Variants in USP7 observed in about 807,000 individuals in gnomAD.
USP7 encodes ubiquitin C-terminal hydrolase 7.
In USP7, 9 loss-of-function variants were observed where a neutral mutation model predicts 162.9. The observed-to-expected ratio is 0.06, with a 90% CI of 0.03 to 0.10. USP7 has a LOEUF of 0.10. Ranked by LOEUF, USP7 falls within the 10% of genes least tolerant of loss-of-function variation. The pLI is 1.00. For missense variants in USP7, 715 were observed against 1,373.7 expected (o/e 0.52, Z 7.58); for synonymous variants, 562 against 475.9 (o/e 1.18, Z -2.35).
rs1327203860 is a variant in USP7, at chr16:8,892,611, A to G, written c.*1387T>C. Reference sequence around the variant, plus strand: ...AAATGTGACTAGTTAGAGGCTAAAAAAAAAAAAAAAAAAAAAAAGAAACAA... The same window carrying G: ...AAATGTGACTAGTTAGAGGCTAAAAGAAAAAAAAAAAAAAAAAAGAAACAA... On this transcript the variant is annotated 3_prime_UTR_variant, in exon 31 of 31. Transcript: ENST00000344836. The G allele has an allele frequency of 1.5e-3, 39 of 26,528 alleles. No individual in the cohort carries two copies. Among genetic ancestry groups the G allele is most frequent in the African/African-American group, 5.2e-3 (37 of 7,158 alleles). The allele number at this position is 26,528 out of a possible 1,614,324, so 1.6% of individuals were successfully genotyped here.
intron 26 of USP7, 94 bp from the exon 27 acceptor site, chr16:8,895,835 A>T: frequency 5.2e-6 from 4 of 770,654 alleles, no homozygotes; most frequent in Non-Finnish European, 7.6e-6. Context: ...AGTTACCACG[A>T]TATGTTTTTT....
At chr16:8,900,464 G>T in intron 21 of USP7, 66 bp downstream of exon 21, 2 of 1,206,618 alleles carry the variant, frequency 1.7e-6, no homozygotes, top group Non-Finnish European at 2.3e-6. Context: ...AATGTTTCTT[G>T]GTTCTACAAC....
At chr16:8,909,153 T>C (rs898721063) in intron 11 of USP7, among the ~76,000 whole-genome samples, 14 of 152,240 alleles carry the variant, frequency 9.2e-5, no homozygotes, top group Admixed American at 6.5e-5. Context: ...CCCTGCTCTA[T>C]CACTGCTCCA....
In USP7 at chr16:8,904,653, A is replaced by G. The variant is rs144036205; in HGVS notation, c.1574-88T>C. On this transcript the variant is annotated intron_variant, in intron 14 of 30. Coordinates refer to ENST00000344836, the MANE Select transcript of USP7 (RefSeq NM_003470.3). ...GATTCTAGGTCATCATTAATAAAAT[A>G]ATCTATTAGGCCGGCGTGGTGGCTT... 145 of 1,549,688 alleles carry G rather than the reference A, an allele frequency of 9.4e-5. No homozygotes were observed. The East Asian group carries it at 3.1e-3, about 33-fold the overall frequency.
At chr16:8,926,681 A>T (rs768445664) in intron 2 of USP7, among the ~76,000 whole-genome samples, 1 of 152,190 alleles carries the variant, frequency 6.6e-6, no homozygotes, top group Non-Finnish European at 1.5e-5. Flanking sequence ...TATGCTAGGT[A>T]TTAGCAAGGA....
intron 1 of USP7, among the ~76,000 whole-genome samples, chr16:8,939,942 A>G (rs985808942): frequency 1.3e-5 from 2 of 152,212 alleles, no homozygotes; most frequent in African/African-American, 2.4e-5. Context: ...TACTAAAAAT[A>G]CAAAAATTAG....
intron 8 of USP7, 87 bp from the exon 9 acceptor site, chr16:8,915,612 G>A (rs181733107): frequency 3.9e-4 from 449 of 1,153,998 alleles, no homozygotes; most frequent in Non-Finnish European, 5.3e-4. Flanking sequence ...AAATATCAAT[G>A]TTCAAAGAAG....
chr16:8,909,404 G>A (rs1245622588), intron 11 of USP7, among the ~76,000 whole-genome samples: 1 of 152,164 alleles, frequency 6.6e-6, no homozygotes, highest in Non-Finnish European at 1.5e-5. Context: ...TAAGAGGACA[G>A]AGCTATCTCA....
intron 1 of USP7, among the ~76,000 whole-genome samples, chr16:8,948,809 C>T (rs773315502): frequency 1.3e-4 from 20 of 152,228 alleles, no homozygotes; most frequent in South Asian, 1.2e-3. Context: ...AAAAAAAATA[C>T]AAAACTTAGC....
chr16:8,928,094 C>T (rs1392711018), intron 2 of USP7, among the ~76,000 whole-genome samples: 2 of 152,194 alleles, frequency 1.3e-5, no homozygotes, highest in African/African-American at 4.8e-5. Context: ...GATACTTGCC[C>T]GAAATTCTAT....
At chr16:8,898,249 G>A (rs763489843) in intron 25 of USP7, 111 bp downstream of exon 25, 163 of 936,256 alleles carry the variant, frequency 1.7e-4, no homozygotes, top group Middle Eastern at 3.3e-4. Flanking sequence ...ATCATGTGCT[G>A]TTGTTTAGAG....
chr16:8,959,986 A>G (rs1439873237), intron 1 of USP7, among the ~76,000 whole-genome samples: 1 of 152,184 alleles, frequency 6.6e-6, no homozygotes, highest in Non-Finnish European at 1.5e-5. Flanking sequence ...CACACCAGGG[A>G]AAAAAACAGT....
Position 8,963,187 on chromosome 16 carries a change from G to C in USP7, c.79+20C>G. 7.1e-7 allele frequency: 1 copy of C among 1,403,236 alleles called. No individual in the cohort carries two copies. Among genetic ancestry groups the C allele is most frequent in the Non-Finnish European group, 9.4e-7 (1 of 1,068,772 alleles). 86.9% of individuals were successfully genotyped at this position (1,403,236 alleles called of 1,614,324 possible). A position where few individuals can be genotyped will look rare whatever the true frequency, so the allele number is the denominator to read the frequency against. On this transcript the variant is annotated intron_variant, in intron 1 of 30. Transcript: ENST00000344836. ...GAAAGGCGCCCCCCGGCCCCGCCGC[G>C]GCCGGCCCTCGGGCCTCACCTTCCA...
intron 10 of USP7, among the ~76,000 whole-genome samples, chr16:8,911,286 C>A (rs1039073624): frequency 6.6e-6 from 1 of 152,104 alleles, no homozygotes; most frequent in Non-Finnish European, 1.5e-5. Flanking sequence ...TCCCCACCCC[C>A]ACCTGTTCCA....
intron 1 of USP7, among the ~76,000 whole-genome samples, chr16:8,953,514 G>A (rs1899655870): frequency 7.0e-6 from 1 of 142,348 alleles, no homozygotes; most frequent in African/African-American, 2.5e-5. Context: ...GCCCCATGCG[G>A]TGCCACTGGA....
At chr16:8,901,329 A>C in intron 18 of USP7, 95 bp from the exon 19 acceptor site, 1 of 826,124 alleles carries the variant, frequency 1.2e-6, no homozygotes, top group South Asian at 1.6e-5. Flanking sequence ...CGAAAAAAAA[A>C]AAACAGTAAG....
chr16:8,961,654 G>A (rs1487524636), intron 1 of USP7, among the ~76,000 whole-genome samples: 1 of 152,092 alleles, frequency 6.6e-6, no homozygotes, highest in Non-Finnish European at 1.5e-5. Flanking sequence ...CAATGTCATG[G>A]GAAATCCATA....
At chr16:8,911,584 C>A (rs1163491853) in intron 10 of USP7, among the ~76,000 whole-genome samples, 1 of 152,222 alleles carries the variant, frequency 6.6e-6, no homozygotes, top group Non-Finnish European at 1.5e-5. Flanking sequence ...ACAGGGATCC[C>A]TGAAGGGACA....
At chr16:8,905,428 G>C (rs2061844649) in intron 13 of USP7, 97 bp from the exon 14 acceptor site, 1 of 1,453,524 alleles carries the variant, frequency 6.9e-7, no homozygotes, top group Non-Finnish European at 9.6e-7. Context: ...GAACTTCTAG[G>C]TATGCCCCTA....
Sources: allele counts gnomAD v4.1 joint callset (sites outside exome capture counted in the v4.1 genomes callset), GRCh38; gene constraint gnomAD v4.1.1; transcripts MANE v1.5; gene names NCBI Gene and HGNC (gene_info 2026-07-23, HGNC 2026-07-21).